NUDC: variants seen among roughly 807,000 people sequenced by gnomAD.
NUDC encodes the protein nuclear distribution C, dynein complex regulator, also known as nuclear migration protein nudC.
A neutral mutation model predicts 45.0 loss-of-function variants in NUDC; 14 were observed. That is an observed-to-expected ratio of 0.31 (90% CI 0.21 to 0.49). The LOEUF is 0.49. Ranked by LOEUF, NUDC falls within the 20% of genes least tolerant of loss-of-function variation. The probability of loss-of-function intolerance (pLI) is 0.99; values close to 1 mark genes in which losing one functional copy is unlikely to be tolerated. For missense variants in NUDC, 323 were observed against 426.2 expected (o/e 0.76, Z 2.13); for synonymous variants, 153 against 156.7 (o/e 0.98, Z 0.17).
intron 2 of NUDC, among the ~76,000 whole-genome samples, chr1:26,936,649 A>C (rs570322036): frequency 3.4e-4 from 52 of 152,224 alleles, no homozygotes; most frequent in Middle Eastern, 3.4e-3. Flanking sequence ...CTACAAAAAA[A>C]AATTTTAAGA....
At chr1:26,936,011 G>A (rs1203088716) in intron 2 of NUDC, among the ~76,000 whole-genome samples, 1 of 146,484 alleles carries the variant, frequency 6.8e-6, no homozygotes, top group Non-Finnish European at 1.5e-5. Flanking sequence ...CTCTGGTGCT[G>A]AGGCGTGAGT....
intron 3 of NUDC, chr1:26,911,732 CT>C: frequency 8.0e-7 from 1 of 1,255,494 alleles, no homozygotes; most frequent in South Asian, 1.2e-5. Context: ...GAGCCAAGTG[CT>C]GTCTATACAG....
intron 2 of NUDC, among the ~76,000 whole-genome samples, chr1:26,926,539 T>C (rs895935312): frequency 1.3e-5 from 2 of 152,020 alleles, no homozygotes; most frequent in African/African-American, 4.8e-5. Context: ...GCCGCAAACT[T>C]ACAAAAAAAT....
At chr1:26,900,263 G>C in exon 1 of NUDC, 1 of 1,614,042 alleles carries the variant, frequency 6.2e-7, no homozygotes, top group Non-Finnish European at 8.5e-7. Flanking sequence ...AGTTAGGAGC[G>C]GCCTGCGGAG....
At chr1:26,913,062 C>T (rs1044658516) in intron 3 of NUDC, among the ~76,000 whole-genome samples, 2 of 152,160 alleles carry the variant, frequency 1.3e-5, no homozygotes, top group Admixed American at 6.6e-5. Flanking sequence ...GTGGGTGGAT[C>T]ACCTGAGGGG....
At position 26,921,884 on chromosome 1, in the gene NUDC, C is replaced by T; in HGVS notation, c.36C>T (p.Gly12=). The change falls in exon 1 of 9, where the codon GGC becomes GGT. Residue 12 remains glycine, a synonymous_variant. Transcript: ENST00000321265. ...GGEQEEERFD[G]MLLAMAQQHE... The stretch of plus-strand genomic sequence containing the variant: ...AGCAGGAGGAGGAGCGGTTCGACGG[C>T]ATGTTGCTGGCCATGGCTCAGCAGC... 2 of 1,555,252 alleles carry T rather than the reference C, an allele frequency of 1.3e-6. No individual in the cohort carries two copies. The highest frequency in any genetic ancestry group is 1.7e-6 in the Non-Finnish European group (2 of 1,149,366).
At chr1:26,913,462 T>G in intron 3 of NUDC, 1 of 1,613,932 alleles carries the variant, frequency 6.2e-7, no homozygotes, top group Non-Finnish European at 8.5e-7. Context: ...GGGGCTAAGC[T>G]CCAGGCTCCA....
intron 2 of NUDC, among the ~76,000 whole-genome samples, chr1:26,928,835 T>C (rs2082155186): frequency 6.6e-6 from 1 of 152,210 alleles, no homozygotes. Flanking sequence ...TGTCAAATGG[T>C]GCATCTGCTA....
chr1:26,938,033 G>A (rs1463978238), intron 2 of NUDC, among the ~76,000 whole-genome samples: 1 of 152,226 alleles, frequency 6.6e-6, no homozygotes, highest in Non-Finnish European at 1.5e-5. Flanking sequence ...GGTGGCACAT[G>A]CCTGTACTGT....
chr1:26,918,229 G>A (rs969771995), upstream of NUDC, among the ~76,000 whole-genome samples: 20 of 148,594 alleles, frequency 1.3e-4, no homozygotes, highest in African/African-American at 4.7e-4. Context: ...CTGGAGCGCA[G>A]TGGAGTGATC....
chr1:26,907,088 C>A (rs2082005900), intron 2 of NUDC, among the ~76,000 whole-genome samples: 1 of 152,120 alleles, frequency 6.6e-6, no homozygotes, highest in Admixed American at 6.6e-5. Flanking sequence ...CCTGTCATCT[C>A]TCCAGGCCCA....
Position 26,941,503 on chromosome 1 carries a change from C to T in NUDC, c.206C>T (p.Thr69Ile). 6.2e-7 allele frequency: 1 copy of T among 1,614,040 alleles called. No homozygotes were observed. Among genetic ancestry groups the T allele is most frequent in the Non-Finnish European group, 8.5e-7 (1 of 1,180,012 alleles). ...FSHHNQLAQK[T>I]RREKRARQEA... is the part of the protein sequence containing the mutation. ...CACCACAATCAGCTGGCACAGAAGA[C>T]CCGGCGGGAGAAGAGAGCCCGGCAG... Residue 69 changes from threonine to isoleucine, a missense_variant, in exon 3 of 9, where the codon ACC (threonine) becomes ATC (isoleucine). Thr to Ile is a moderately conservative substitution (Grantham distance 89). Around this residue, in one of 3 missense-constraint regions of NUDC, gnomAD observed 245 missense variants for 278.8 expected, o/e 0.88. Coordinates refer to ENST00000321265, the MANE Select transcript of NUDC (RefSeq NM_006600.4).
At position 26,941,551 on chromosome 1, in the gene NUDC, C is replaced by T. The variant is rs756553114; in HGVS notation, c.254C>T (p.Ala85Val). Reference sequence around the variant, plus strand: ...CAGGAGGCCGAGCGGCGGGAGAAGGCGGAGCGGGCGGCCAGACTGGCCAAG... The same window carrying T: ...CAGGAGGCCGAGCGGCGGGAGAAGGTGGAGCGGGCGGCCAGACTGGCCAAG... The part of the protein sequence containing the change: ...ARQEAERREK[A>V]ERAARLAKEA... Residue 85 changes from alanine to valine, a missense_variant, in exon 3 of 9, where the codon GCG (alanine) becomes GTG (valine). This residue lies in a region of NUDC where 245 missense variants were observed against 278.8 expected (regional missense o/e 0.88). Transcript: ENST00000321265. 1.3e-5 allele frequency: 21 copies of T among 1,610,702 alleles called. No homozygotes were observed. The highest frequency in any genetic ancestry group is 2.2e-5 in the South Asian group (2 of 90,602).
intron 2 of NUDC, chr1:26,911,046 A>G (rs915810496): frequency 2.0e-5 from 9 of 455,354 alleles, no homozygotes; most frequent in Admixed American, 2.5e-5. Flanking sequence ...CTTGGCCTTC[A>G]AGCAGTTGCC....
At chr1:26,902,642 C>T (rs569468931) in intron 2 of NUDC, among the ~76,000 whole-genome samples, 52 of 151,776 alleles carry the variant, frequency 3.4e-4, no homozygotes, top group African/African-American at 1.3e-3. Context: ...CTTAGCACGT[C>T]GGGAGGTTGA....
chr1:26,923,582 G>A (rs994614195), intron 1 of NUDC, among the ~76,000 whole-genome samples: 2 of 151,982 alleles, frequency 1.3e-5, no homozygotes, highest in African/African-American at 4.8e-5. Context: ...GTGATTCTCT[G>A]CCTCAGCCTC....
chr1:26,927,226 C>A (rs1303143679), intron 2 of NUDC, among the ~76,000 whole-genome samples: 1 of 120,714 alleles, frequency 8.3e-6, no homozygotes, highest in East Asian at 2.1e-4. Context: ...GTTGTCCCAG[C>A]TGGAGCACAG....
At chr1:26,901,024 C>A (rs1238758453) in intron 1 of NUDC, among the ~76,000 whole-genome samples, 2 of 152,072 alleles carry the variant, frequency 1.3e-5, no homozygotes, top group Non-Finnish European at 2.9e-5. Context: ...ACTTTAAAAC[C>A]TTAGAGTCGA....
chr1:26,910,656 C>T lies in NUDC; in HGVS notation c.-15-472C>T, dbSNP rs574161090. On this transcript the variant is annotated intron_variant, in intron 2 of 6. Coordinates refer to the NUDC transcript ENST00000435827. ...CTTACTGCGGGTGAAAGGGGGAGGCCGGAAAATCCTATAGGCATGTGTGTT... is the reference window on the plus strand; with the variant it reads ...CTTACTGCGGGTGAAAGGGGGAGGCTGGAAAATCCTATAGGCATGTGTGTT... 3.3e-5 allele frequency among the ~76,000 whole-genome samples: 5 copies of T among 152,238 alleles called. No homozygotes were observed. In the East Asian group the frequency reaches 9.7e-4, roughly 29 times the overall value.
Sources: gnomAD v4.1 joint callset for allele counts (sites outside exome capture counted in the v4.1 genomes callset) on GRCh38, gnomAD v4.1.1 for gene constraint, gnomAD v4.1.1 regional missense constraint, MANE v1.5 for transcripts, NCBI Gene and HGNC (gene_info 2026-07-23, HGNC 2026-07-21) for gene names.